Variants in FRMPD4 observed in about 807,000 individuals in gnomAD.
FRMPD4 encodes the protein FERM and PDZ domain-containing protein 4.
Under a neutral mutation model 94.1 loss-of-function variants are expected in FRMPD4, and 22 were observed. The ratio of observed to expected loss-of-function variants is 0.23; its 90% confidence interval spans 0.17 to 0.33. The LOEUF is 0.33. Among genes scored for constraint, FRMPD4 ranks in the 10% least tolerant of loss-of-function variants. FRMPD4 has a pLI of 1.00. For missense variants in FRMPD4, 1,111 were observed against 1,339.9 expected, an observed-to-expected ratio of 0.83 and a Z score of 2.67; for synonymous variants, 631 against 548.6, an observed-to-expected ratio of 1.15 and a Z score of -2.10.
intron 1 of FRMPD4, among the ~76,000 whole-genome samples, chrX:12,480,987 T>A (rs1186019869): frequency 1.8e-5 from 2 of 111,768 alleles, no homozygotes; most frequent in Non-Finnish European, 3.8e-5. Flanking sequence ...AACAGGTGAC[T>A]TGGGGTCTTG....
At chrX:12,360,550 G>A (rs2055969795) in intron 1 of FRMPD4, among the ~76,000 whole-genome samples, 3 of 111,749 alleles carry the variant, frequency 2.7e-5, no homozygotes, top group African/African-American at 9.8e-5. Flanking sequence ...TTATGAACAA[G>A]TCTGAGTCAC....
At chrX:12,339,733 C>T (rs184016214) in intron 1 of FRMPD4, among the ~76,000 whole-genome samples, 46 of 110,769 alleles carry the variant, frequency 4.2e-4, no homozygotes, top group East Asian at 3.1e-3. Flanking sequence ...TCTCCTGCCT[C>T]AGCCTCCCAA....
intron 1 of FRMPD4, among the ~76,000 whole-genome samples, chrX:12,270,703 A>G (rs978572428): frequency 8.9e-6 from 1 of 111,991 alleles, no homozygotes; most frequent in Non-Finnish European, 1.9e-5. Context: ...AAACTAGTCA[A>G]CACATTTCTA....
At chrX:12,660,889 C>T (rs909101677) in intron 4 of FRMPD4, among the ~76,000 whole-genome samples, 3 of 111,604 alleles carry the variant, frequency 2.7e-5, no homozygotes, top group African/African-American at 9.8e-5. Context: ...ATGTTGTTGC[C>T]TGGACTTGGA....
chrX:12,331,741 T>TTATA (rs2055391822), intron 1 of FRMPD4, among the ~76,000 whole-genome samples: 1 of 59,184 alleles, frequency 1.7e-5, no homozygotes, highest in Admixed American at 2.7e-4. Flanking sequence ...AAATATATAA[T>TTATA]TTATATATTT....
intron 16 of FRMPD4, among the ~76,000 whole-genome samples, chrX:12,720,049 G>GGAAAGGAAAGAAA (rs1555898469): frequency 2.5e-5 from 1 of 39,581 alleles, no homozygotes; most frequent in African/African-American, 1.2e-4. Flanking sequence ...GGAAAGGAAA[G>GGAAAGGAAAGAAA]GAAAGAAAGA....
At chrX:12,471,218 C>T (rs1450877050) in intron 1 of FRMPD4, among the ~76,000 whole-genome samples, 1 of 111,767 alleles carries the variant, frequency 8.9e-6, no homozygotes, top group African/African-American at 3.2e-5. Context: ...AGATGAAATG[C>T]CCGACAGAAA....
At chrX:12,351,420 G>C (rs770229954) in intron 1 of FRMPD4, among the ~76,000 whole-genome samples, 1 of 111,330 alleles carries the variant, frequency 9.0e-6, no homozygotes, top group South Asian at 3.8e-4. Context: ...GGTGATTTCA[G>C]TCTTGGACAT....
chrX:12,053,414 GAAAGAAAGAAAGAA>G, intron 3 of FRMPD4, among the ~76,000 whole-genome samples: 1 of 91,701 alleles, frequency 1.1e-5, no homozygotes, highest in African/African-American at 4.0e-5. Context: ...AAGAAAGAAA[GAAAGAAAGAAAGAA>G]AGAGAAAGAA....
At chrX:12,115,069 G>A (rs1308533798) in intron 3 of FRMPD4, among the ~76,000 whole-genome samples, 2 of 111,614 alleles carry the variant, frequency 1.8e-5, no homozygotes, top group Admixed American at 9.6e-5. Flanking sequence ...TCCTAACAGG[G>A]GTAGACCAGG....
chrX:12,617,842 T>C (rs781066943), intron 4 of FRMPD4, among the ~76,000 whole-genome samples: 2 of 111,609 alleles, frequency 1.8e-5, no homozygotes, highest in Non-Finnish European at 3.8e-5. Context: ...CCAGATCCAT[T>C]TGTGTTTCTT....
intron 2 of FRMPD4, among the ~76,000 whole-genome samples, chrX:12,504,815 G>T (rs141872311): frequency 2.1e-4 from 24 of 112,437 alleles, no homozygotes; most frequent in African/African-American, 6.8e-4. Context: ...GTTTCTTCTT[G>T]AATGTTTCTT....
At chrX:12,252,834 CAG>C (rs1369471862) in intron 1 of FRMPD4, among the ~76,000 whole-genome samples, 1 of 111,619 alleles carries the variant, frequency 9.0e-6, no homozygotes, top group Admixed American at 9.5e-5. Context: ...TAATTTGTAA[CAG>C]AATGAAAGTG....
intron 11 of FRMPD4, among the ~76,000 whole-genome samples, chrX:12,706,156 T>C (rs1314157222): frequency 9.0e-6 from 1 of 111,560 alleles, no homozygotes; most frequent in Non-Finnish European, 1.9e-5. Flanking sequence ...TTTGTAAAGA[T>C]AACTTTTATC....
At chrX:12,467,835 TTTGA>T (rs1193664596) in intron 1 of FRMPD4, among the ~76,000 whole-genome samples, 1 of 111,934 alleles carries the variant, frequency 8.9e-6, no homozygotes, top group East Asian at 2.8e-4. Context: ...CATGGAGGGA[TTTGA>T]TTTTATGTGA....
chrX:11,858,341 G>A (rs2053664647), intron 1 of FRMPD4, among the ~76,000 whole-genome samples: 1 of 111,914 alleles, frequency 8.9e-6, no homozygotes, highest in Admixed American at 9.5e-5. Flanking sequence ...AGAAAATGTG[G>A]TGCATATACA....
intron 3 of FRMPD4, among the ~76,000 whole-genome samples, chrX:11,882,713 T>A (rs1418647346): frequency 8.9e-6 from 1 of 112,002 alleles, no homozygotes; most frequent in Admixed American, 9.5e-5. Flanking sequence ...ATGTAAATAT[T>A]CCAAAATCTG....
At chrX:12,719,221 T>G (rs1440784085) in intron 16 of FRMPD4, among the ~76,000 whole-genome samples, 1 of 112,557 alleles carries the variant, frequency 8.9e-6, no homozygotes, top group Non-Finnish European at 1.9e-5. Context: ...TCAGGGAGAT[T>G]GGAGGGGTTT....
rs757423507 is a variant in FRMPD4 at position 12,479,967 on chromosome X, T to A, written c.42-18713T>A. 2.7e-5 allele frequency among the ~76,000 whole-genome samples: 3 copies of A among 110,863 alleles called. No individual in the cohort carries two copies. In the Admixed American group the frequency reaches 2.9e-4, roughly 11 times the overall value. On this transcript the variant is annotated intron_variant, in intron 1 of 16. Coordinates refer to ENST00000675598, the MANE Select transcript of FRMPD4 (RefSeq NM_001368397.1). Reference sequence around the variant, plus strand: ...GAGATTAAGGCTCCCTCTGCAAGTGTACATTTTGATCATTATGACTATCTG... The same window carrying A: ...GAGATTAAGGCTCCCTCTGCAAGTGAACATTTTGATCATTATGACTATCTG...
Sources: allele counts gnomAD v4.1 joint callset (sites outside exome capture counted in the v4.1 genomes callset), GRCh38; gene constraint gnomAD v4.1.1; transcripts MANE v1.5; gene names NCBI Gene and HGNC (gene_info 2026-07-23, HGNC 2026-07-21).